The following WNT16 variants were observed in gnomAD, a reference collection of about 807,000 sequenced individuals.
The protein encoded by WNT16 is protein Wnt-16.
WNT16 carries 20 observed loss-of-function variants against 35.4 expected under a neutral mutation model. The ratio of observed to expected loss-of-function variants is 0.56; its 90% CI spans 0.40 to 0.82. The LOEUF is 0.82. Among genes scored for constraint, WNT16 ranks in the 40% least tolerant of loss-of-function variants. The pLI is 0.00. For missense variants in WNT16, 461 were observed against 466.0 expected, an observed-to-expected ratio of 0.99 and a Z score of 0.10; for synonymous variants, 180 against 179.2, an observed-to-expected ratio of 1.00 and a Z score of -0.03.
In WNT16 at chr7:121,329,789, C is replaced by G. The variant is rs756728684; in HGVS notation, c.318C>G (p.Ser106Arg). 5 of 1,606,198 alleles carry G rather than the reference C, an allele frequency of 3.1e-6. No individual in the cohort carries two copies. The highest frequency in any genetic ancestry group is 4.2e-6 in the Non-Finnish European group (5 of 1,179,990). The change falls in exon 2 of 4, where the codon AGC (serine) becomes AGG (arginine). Residue 106 changes from serine (S) to arginine (R), a missense_variant. Ser to Arg is a moderately radical substitution (Grantham distance 110). Transcript: ENST00000222462. Reference protein sequence around the residue: ...AAATTAPMGASPLFGYELSSG... With the variant: ...AAATTAPMGARPLFGYELSSG... ...CCACTACCGCCCCGATGGGCGCCAGCCCCCTCTTTGGCTACGAGCTGAGCA... is the reference window on the plus strand; with the variant it reads ...CCACTACCGCCCCGATGGGCGCCAGGCCCCTCTTTGGCTACGAGCTGAGCA...
At chr7:121,337,394 G>A (rs144418822) in intron 3 of WNT16, among the ~76,000 whole-genome samples, 3 of 152,180 alleles carry the variant, frequency 2.0e-5, no homozygotes, top group Non-Finnish European at 2.9e-5. Flanking sequence ...TTCTGCAAAC[G>A]TGTCAATGTC....
At chr7:121,327,485 G>T (rs889283690), upstream of WNT16, among the ~76,000 whole-genome samples, 2 of 151,562 alleles carry the variant, frequency 1.3e-5, no homozygotes, top group Non-Finnish European at 2.9e-5. Flanking sequence ...CGAGTAGCTG[G>T]GATTACAGGC....
intron 2 of WNT16, 105 bp downstream of exon 2, chr7:121,329,922 A>C (rs1394712119): frequency 2.3e-6 from 3 of 1,316,170 alleles, no homozygotes; most frequent in Admixed American, 2.3e-5. Flanking sequence ...GTAGCTCTCT[A>C]AGTTCCAGAA....
In WNT16 at chr7:121,340,775, T is replaced by C. The variant is rs960432243; in HGVS notation, c.*1430T>C. The C allele has an allele frequency of 2.0e-5, 3 of 152,446 alleles. No individual in the cohort carries two copies. Among genetic ancestry groups the C allele is most frequent in the Non-Finnish European group, 4.4e-5 (3 of 67,986 alleles). The allele number at this position is 152,446 out of a possible 1,614,324, so 9.4% of individuals were successfully genotyped here. A position where few individuals can be genotyped will look rare whatever the true frequency, so the allele number is the denominator to read the frequency against. ...TTCTTGTTTTTAATATTCATGCATGTATATTCATCATATTTTACAAGGTTC... is the reference window on the plus strand; with the variant it reads ...TTCTTGTTTTTAATATTCATGCATGCATATTCATCATATTTTACAAGGTTC... On this transcript the variant is annotated 3_prime_UTR_variant, in exon 4 of 4. Coordinates refer to ENST00000222462, the MANE Select transcript of WNT16 (RefSeq NM_057168.2).
Position 121,329,029 on chromosome 7 carries a change from G to A in WNT16, c.-264G>A, listed in dbSNP as rs1793290088. 5 of 1,229,916 alleles carry A rather than the reference G, an allele frequency of 4.1e-6. No individual in the cohort carries two copies. Among genetic ancestry groups the A allele is most frequent in the Non-Finnish European group, 5.1e-6 (5 of 984,840 alleles). The allele number at this position is 1,229,916 out of a possible 1,614,324, so 76.2% of individuals were successfully genotyped here. ...GAAGTTTCTCACCTAGGAATGCGAG[G>A]GGCGCTCCCGCATCTCCTGCACATC... On this transcript the variant is annotated 5_prime_UTR_variant, in exon 1 of 4. Transcript: ENST00000222462.
chr7:121,338,059 CAT>C (rs1004148128), intron 3 of WNT16, among the ~76,000 whole-genome samples: 2 of 152,202 alleles, frequency 1.3e-5, no homozygotes, highest in Non-Finnish European at 2.9e-5. Flanking sequence ...CCAGATTTGT[CAT>C]AGTTTCTCAT....
At chr7:121,330,970 T>TA (rs921307836) in intron 2 of WNT16, among the ~76,000 whole-genome samples, 7 of 152,206 alleles carry the variant, frequency 4.6e-5, no homozygotes, top group African/African-American at 1.7e-4. Context: ...GCTAAATGCA[T>TA]AATTTTCAAT....
chr7:121,333,967 T>C (rs1793395160), intron 3 of WNT16, among the ~76,000 whole-genome samples: 1 of 152,014 alleles, frequency 6.6e-6, no homozygotes, highest in African/African-American at 2.4e-5. Flanking sequence ...TGTGTGTTTT[T>C]CAAATTAGGT....
rs763235672 is a variant in WNT16 at position 121,339,126 on chromosome 7, C to T, written c.879C>T (p.Tyr293=). ...TCTATGTTAATAAGTCTCCCAACTA[C>T]TGTGTAGAAGATAAGAAACTGGGAA... ...DLLYVNKSPN[Y]CVEDKKLGIP... The change falls in exon 4 of 4, where the codon TAC becomes TAT. Residue 293 remains tyrosine (Y), a synonymous_variant. Transcript: ENST00000222462. 5 of 1,614,218 alleles carry T rather than the reference C, an allele frequency of 3.1e-6. No homozygotes were observed. The South Asian group carries it at 3.3e-5, about 11-fold the overall frequency.
Position 121,339,013 on chromosome 7 carries a change from A to C in WNT16, c.766A>C (p.Ser256Arg). 6.2e-7 allele frequency: 1 copy of C among 1,614,214 alleles called. No homozygotes were observed. Among genetic ancestry groups the C allele is most frequent in the Non-Finnish European group, 8.5e-7 (1 of 1,180,032 alleles). The change falls in exon 4 of 4, where the codon AGT becomes CGT. Residue 256 changes from serine to arginine, a missense_variant. Physicochemically the swap from Ser to Arg is moderately radical, Grantham distance 110. Coordinates refer to ENST00000222462, the MANE Select transcript of WNT16 (RefSeq NM_057168.2). ...GHLLKDKYEN[S>R]IQISDKTKRK... ...TTTGTTGAAGGATAAATATGAAAAC[A>C]GTATCCAGATATCAGACAAAACAAA...
intron 3 of WNT16, among the ~76,000 whole-genome samples, chr7:121,333,583 A>G (rs1793388143): frequency 6.6e-6 from 1 of 152,000 alleles, no homozygotes; most frequent in Non-Finnish European, 1.5e-5. Context: ...TGTTGCTTCA[A>G]TTTAAATATT....
At position 121,331,700 on chromosome 7, in the gene WNT16, T is replaced by G; in HGVS notation, c.369T>G (p.Ile123Met). The G allele has an allele frequency of 6.2e-7, 1 of 1,610,898 alleles. No homozygotes were observed. Among genetic ancestry groups the G allele is most frequent in the Non-Finnish European group, 8.5e-7 (1 of 1,177,216 alleles). ...TAGGCACCAAAGAGACAGCATTTAT[T>G]TATGCTGTGATGGCTGCAGGCCTGG... Reference protein sequence around the residue: ...LSSGTKETAFIYAVMAAGLVH... With the variant: ...LSSGTKETAFMYAVMAAGLVH... The change falls in exon 3 of 4, where the codon ATT becomes ATG. Residue 123 changes from isoleucine to methionine, a missense_variant. By Grantham distance (10) the Ile-to-Met change is conservative. Coordinates refer to ENST00000222462, the MANE Select transcript of WNT16 (RefSeq NM_057168.2).
rs755682994 is a variant in WNT16 at position 121,338,977 on chromosome 7, A to G, written c.730A>G (p.Lys244Glu). 2 of 1,614,042 alleles carry G rather than the reference A, an allele frequency of 1.2e-6. No individual in the cohort carries two copies. The highest frequency in any genetic ancestry group is 2.7e-5 in the African/African-American group (2 of 74,914). Residue 244 changes from lysine to glutamate, a missense_variant, in exon 4 of 4, where the codon AAG (lysine) becomes GAG (glutamate). Coordinates refer to ENST00000222462, the MANE Select transcript of WNT16 (RefSeq NM_057168.2). ...TCWKTMSSFE[K>E]IGHLLKDKYE... ...CTGGAAAACCATGTCTTCTTTTGAA[A>G]AGATTGGCCATTTGTTGAAGGATAA...
rs752358411 is a variant in WNT16 at position 121,339,181 on chromosome 7, C to T, written c.934C>T (p.Arg312Cys). The change falls in exon 4 of 4, where the codon CGT becomes TGT. Residue 312 changes from arginine to cysteine, a missense_variant. Coordinates refer to ENST00000222462, the MANE Select transcript of WNT16 (RefSeq NM_057168.2). Reference protein sequence around the residue: ...IPGTQGRECNRTSEGADGCNL... With the variant: ...IPGTQGRECNCTSEGADGCNL... ...AGGGACACAAGGCAGAGAATGCAAC[C>T]GTACATCAGAGGGTGCAGATGGCTG... 17 of 1,614,060 alleles carry T rather than the reference C, an allele frequency of 1.1e-5. No homozygotes were observed. The African/African-American group carries it at 1.3e-4, about 13-fold the overall frequency.
At chr7:121,336,658 G>T (rs996050314) in intron 3 of WNT16, among the ~76,000 whole-genome samples, 3 of 152,170 alleles carry the variant, frequency 2.0e-5, no homozygotes, top group African/African-American at 7.2e-5. Flanking sequence ...GTTTAAGAAG[G>T]TGGTTTTTAT....
At chr7:121,334,895 C>T (rs2116840052) in intron 3 of WNT16, among the ~76,000 whole-genome samples, 1 of 152,140 alleles carries the variant, frequency 6.6e-6, no homozygotes, top group South Asian at 2.1e-4. Context: ...TTTTAAGTTT[C>T]CCTACCCCAT....
Position 121,329,028 on chromosome 7 carries a change from G to A in WNT16, c.-265G>A. ...AGAAGTTTCTCACCTAGGAATGCGA[G>A]GGGCGCTCCCGCATCTCCTGCACAT... On this transcript the variant is annotated 5_prime_UTR_variant, in exon 1 of 4. Coordinates refer to ENST00000222462, the MANE Select transcript of WNT16 (RefSeq NM_057168.2). 4 of 1,229,682 alleles carry A rather than the reference G, an allele frequency of 3.3e-6. No individual in the cohort carries two copies. The allele number at this position is 1,229,682 out of a possible 1,614,324, so 76.2% of individuals were successfully genotyped here.
intron 3 of WNT16, 55 bp from the exon 4 acceptor site, chr7:121,338,826 T>C: frequency 6.8e-7 from 1 of 1,462,420 alleles, no homozygotes; most frequent in Non-Finnish European, 9.3e-7. Context: ...GTGCTTCTGT[T>C]GTTGAGTAAA....
rs1282715171 is a variant in WNT16, at chr7:121,340,385, T to C, written c.*1040T>C. 6.6e-6 allele frequency: 1 copy of C among 151,910 alleles called. No homozygotes were observed. Among genetic ancestry groups the C allele is most frequent in the Non-Finnish European group, 1.5e-5 (1 of 67,976 alleles). The allele number at this position is 151,910 out of a possible 1,614,324, so 9.4% of individuals were successfully genotyped here. On this transcript the variant is annotated 3_prime_UTR_variant, in exon 4 of 4. Coordinates refer to ENST00000222462, the MANE Select transcript of WNT16 (RefSeq NM_057168.2). The stretch of plus-strand genomic sequence containing the variant: ...TAAGGCAGTAAAATTATCTCATAAA[T>C]AATATTAGCTTATTTTTTTTCATAC...
Sources: allele counts gnomAD v4.1 joint callset (sites outside exome capture counted in the v4.1 genomes callset), GRCh38; gene constraint gnomAD v4.1.1; transcripts MANE v1.5; gene names NCBI Gene and HGNC (gene_info 2026-07-23, HGNC 2026-07-21).